The following SGTB variants were observed in gnomAD, a reference collection of about 807,000 sequenced individuals.
The protein encoded by SGTB is small glutamine-rich tetratricopeptide repeat-containing protein beta.
A neutral mutation model predicts 43.9 loss-of-function variants in SGTB; 19 were observed. The observed-to-expected ratio is 0.43, with a 90% CI of 0.30 to 0.63. SGTB has a LOEUF of 0.63. Among genes scored for constraint, SGTB ranks in the 30% least tolerant of loss-of-function variants. SGTB has a pLI of 0.12. For synonymous variants in SGTB, 116 were observed against 117.3 expected, an observed-to-expected ratio of 0.99 and a Z score of 0.07; for missense variants, 304 against 358.9, an observed-to-expected ratio of 0.85 and a Z score of 1.24.
intron 5 of SGTB, among the ~76,000 whole-genome samples, chr5:65,703,982 G>A (rs1757871928): frequency 6.7e-6 from 1 of 149,152 alleles, no homozygotes; most frequent in African/African-American, 2.5e-5. Flanking sequence ...AGCTTGCAGT[G>A]AGCCGAGATC....
At position 65,720,770 on chromosome 5, in the gene SGTB, C is replaced by T. The variant is rs148762174; in HGVS notation, c.38G>A (p.Arg13His). Residue 13 changes from arginine to histidine, a missense_variant, in exon 2 of 11, where the codon CGT becomes CAT. Physicochemically the swap from Arg to His is conservative, Grantham distance 29. Coordinates refer to ENST00000381007, the MANE Select transcript of SGTB (RefSeq NM_019072.3). ...CATCTGACTTTGTTCCCGTAAGAAA[C>T]GAATAACTGCATAAACCAGGTGCTT... ...SIKHLVYAVI[R>H]FLREQSQMDT... is the part of the protein sequence containing the mutation. The T allele has an allele frequency of 2.8e-5, 45 of 1,613,780 alleles. No homozygotes were observed. In the African/African-American group the frequency reaches 5.3e-4, roughly 19 times the overall value.
At chr5:65,720,919 A>C in intron 1 of SGTB, 90 bp from the exon 2 acceptor site, 1 of 1,348,892 alleles carries the variant, frequency 7.4e-7, no homozygotes. Context: ...TGGGTTATAA[A>C]GTGTATTAAA....
chr5:65,703,763 C>T (rs1185364096), intron 5 of SGTB, among the ~76,000 whole-genome samples: 2 of 148,552 alleles, frequency 1.3e-5, no homozygotes, highest in African/African-American at 2.5e-5. Flanking sequence ...TTAGGCCGGG[C>T]GCGGTGGCTC....
At chr5:65,696,875 G>A (rs960252990) in intron 5 of SGTB, among the ~76,000 whole-genome samples, 1 of 152,170 alleles carries the variant, frequency 6.6e-6, no homozygotes, top group Non-Finnish European at 1.5e-5. Flanking sequence ...AAAAGAAAGA[G>A]TCATGCTTAA....
In SGTB at chr5:65,671,904, A is replaced by G; in HGVS notation, c.803+11T>C. On this transcript the variant is annotated intron_variant, in intron 10 of 10. Transcript: ENST00000381007. ...TACATCTTCACTATTTCTGTTTTAA[A>G]TAATACTTACGCTTGGATGAGGCTT... The G allele has an allele frequency of 1.9e-6, 3 of 1,612,482 alleles. No individual in the cohort carries two copies. The highest frequency in any genetic ancestry group is 2.5e-6 in the Non-Finnish European group (3 of 1,179,070).
chr5:65,666,835 C>G lies in SGTB; in HGVS notation c.*3411G>C, dbSNP rs936215137. ...CCATTATTTCATGTAAAAAGAATGG[C>G]TAATTTAACTACAGATGTTAGCACA... On this transcript the variant is annotated 3_prime_UTR_variant, in exon 11 of 11. Transcript: ENST00000381007. The G allele has an allele frequency of 6.6e-6, 1 of 152,068 alleles. No homozygotes were observed. The highest frequency in any genetic ancestry group is 1.5e-5 in the Non-Finnish European group (1 of 67,992). 9.4% of individuals were successfully genotyped at this position (152,068 alleles called of 1,614,324 possible). A position where few individuals can be genotyped will look rare whatever the true frequency, so the allele number is the denominator to read the frequency against.
chr5:65,712,083 G>A (rs1344411642), intron 3 of SGTB, among the ~76,000 whole-genome samples: 3 of 152,030 alleles, frequency 2.0e-5, no homozygotes, highest in Non-Finnish European at 2.9e-5. Flanking sequence ...CAAAGACCCC[G>A]TCGCTACTAA....
intron 5 of SGTB, among the ~76,000 whole-genome samples, chr5:65,698,181 T>C (rs1338194966): frequency 6.6e-6 from 1 of 152,196 alleles, no homozygotes; most frequent in Admixed American, 6.5e-5. Flanking sequence ...GTTATACAGG[T>C]GTATGTATTT....
chr5:65,685,797 G>T (rs1757485841), intron 5 of SGTB, among the ~76,000 whole-genome samples: 1 of 152,164 alleles, frequency 6.6e-6, no homozygotes, highest in Non-Finnish European at 1.5e-5. Flanking sequence ...GGACATCTTG[G>T]CTACTATGGA....
intron 3 of SGTB, among the ~76,000 whole-genome samples, chr5:65,708,868 C>T (rs560876933): frequency 1.3e-5 from 2 of 152,108 alleles, no homozygotes; most frequent in Admixed American, 1.3e-4. Flanking sequence ...TGGTGAAACC[C>T]CGTCTCTATA....
chr5:65,710,104 G>A lies in SGTB; in HGVS notation c.205-1546C>T, dbSNP rs34084333. On this transcript the variant is annotated intron_variant, in intron 3 of 10. Coordinates refer to ENST00000381007, the MANE Select transcript of SGTB (RefSeq NM_019072.3). Reference sequence around the variant, plus strand: ...TCAGTTTTCCCAAGCATAAAATATTGGAATAAAAATATAGAAACAACATGA... The same window carrying A: ...TCAGTTTTCCCAAGCATAAAATATTAGAATAAAAATATAGAAACAACATGA... Among the ~76,000 whole-genome samples the A allele has an allele frequency of 9.0e-3, 1,367 of 151,798 alleles. 17 individuals carry two copies. The highest frequency in any genetic ancestry group is 0.024 in the Middle Eastern group (7 of 294).
intron 8 of SGTB, among the ~76,000 whole-genome samples, chr5:65,677,427 C>T (rs538278193): frequency 1.5e-4 from 23 of 151,564 alleles, no homozygotes; most frequent in South Asian, 1.3e-3. Context: ...GAGCTGGTAC[C>T]GTTCCTACAG....
intron 5 of SGTB, among the ~76,000 whole-genome samples, chr5:65,693,177 A>T (rs949634783): frequency 1.3e-5 from 2 of 151,766 alleles, no homozygotes; most frequent in East Asian, 3.9e-4. Context: ...TGACAGAGTG[A>T]GAGAAGGACA....
intron 5 of SGTB, among the ~76,000 whole-genome samples, chr5:65,688,507 A>C (rs1757540856): frequency 6.6e-6 from 1 of 152,218 alleles, no homozygotes; most frequent in Admixed American, 6.5e-5. Context: ...GGAGAGAGAA[A>C]ATTTTGAAAA....
At chr5:65,675,404 T>C (rs1757247926) in intron 8 of SGTB, among the ~76,000 whole-genome samples, 1 of 152,204 alleles carries the variant, frequency 6.6e-6, no homozygotes, top group Admixed American at 6.5e-5. Context: ...TTTTAACCTT[T>C]CATATATTGG....
At chr5:65,712,656 C>CA (rs1758065465) in intron 3 of SGTB, among the ~76,000 whole-genome samples, 1 of 152,004 alleles carries the variant, frequency 6.6e-6, no homozygotes, top group African/African-American at 2.4e-5. Flanking sequence ...AAAAAATACT[C>CA]AGATTCATTG....
At chr5:65,690,930 A>C (rs1440523119) in intron 5 of SGTB, among the ~76,000 whole-genome samples, 1 of 152,256 alleles carries the variant, frequency 6.6e-6, no homozygotes, top group Non-Finnish European at 1.5e-5. Flanking sequence ...ATATATGCTT[A>C]GTGAGATGCA....
chr5:65,676,716 G>A (rs1220361866), intron 8 of SGTB, among the ~76,000 whole-genome samples: 1 of 152,040 alleles, frequency 6.6e-6, no homozygotes, highest in African/African-American at 2.4e-5. Context: ...TGACTTTTGG[G>A]TAAATAATAA....
intron 6 of SGTB, among the ~76,000 whole-genome samples, chr5:65,681,078 G>T (rs1205247340): frequency 6.6e-6 from 1 of 152,048 alleles, no homozygotes; most frequent in Non-Finnish European, 1.5e-5. Flanking sequence ...AGCTTAATAT[G>T]TAAAATAATT....
Sources: gnomAD v4.1 joint callset for allele counts (sites outside exome capture counted in the v4.1 genomes callset) on GRCh38, gnomAD v4.1.1 for gene constraint, MANE v1.5 for transcripts, NCBI Gene and HGNC (gene_info 2026-07-23, HGNC 2026-07-21) for gene names.